The following FHIT variants were observed in gnomAD, a reference collection of about 807,000 sequenced individuals.
FHIT encodes fragile histidine triad diadenosine triphosphatase.
Under a neutral mutation model 17.9 loss-of-function variants are expected in FHIT, and 19 were observed. That is an observed-to-expected ratio of 1.06 (90% CI 0.74 to 1.56). The LOEUF (loss-of-function observed/expected upper bound fraction) is 1.56. Ranked by LOEUF, FHIT falls within the 40% of genes most tolerant of loss-of-function variation. The pLI is 0.00. For missense variants in FHIT, 248 were observed against 189.2 expected (o/e 1.31, Z -1.82); for synonymous variants, 81 against 69.7 (o/e 1.16, Z -0.81).
At chr3:60,453,438 C>T (rs73836738) in intron 5 of FHIT, among the ~76,000 whole-genome samples, 16,453 of 152,142 alleles carry the variant, frequency 0.11, 1,321 homozygotes, top group East Asian at 0.38. Context: ...TTCCAATGCT[C>T]CAATGCCTCC....
chr3:60,660,727 C>CTTTTTTTTTTTTTT (rs1220817643), intron 4 of FHIT, among the ~76,000 whole-genome samples: 13 of 16,756 alleles, frequency 7.8e-4, no homozygotes, highest in Non-Finnish European at 1.2e-3. Context: ...TTTTATTGTG[C>CTTTTTTTTTTTTTT]TCTTTTTTTT....
chr3:60,218,690 G>A (rs2107529366), intron 5 of FHIT, among the ~76,000 whole-genome samples: 2 of 152,166 alleles, frequency 1.3e-5, no homozygotes. Context: ...CATGATGACT[G>A]TGATATCAAC....
At chr3:61,213,857 C>G (rs1018930155) in intron 1 of FHIT, among the ~76,000 whole-genome samples, 1 of 152,170 alleles carries the variant, frequency 6.6e-6, no homozygotes, top group African/African-American at 2.4e-5. Context: ...GAATCTCACT[C>G]AAAACCGCTC....
At chr3:60,922,496 G>A (rs1488467041) in intron 3 of FHIT, among the ~76,000 whole-genome samples, 3 of 152,198 alleles carry the variant, frequency 2.0e-5, no homozygotes, top group Admixed American at 1.3e-4. Flanking sequence ...GATATATGAT[G>A]TCTAGGAGGT....
intron 5 of FHIT, among the ~76,000 whole-genome samples, chr3:60,330,964 C>T (rs1709938806): frequency 6.6e-6 from 1 of 152,192 alleles, no homozygotes; most frequent in Non-Finnish European, 1.5e-5. Flanking sequence ...GCAGCCAGAC[C>T]TCCATTTCTA....
intron 5 of FHIT, among the ~76,000 whole-genome samples, chr3:60,167,297 T>C (rs1037957921): frequency 2.6e-4 from 40 of 152,334 alleles, no homozygotes; most frequent in Admixed American, 2.5e-3. Flanking sequence ...TGATAACTAT[T>C]TGTTGACTAA....
At chr3:61,250,898 T>C (rs770619383) in intron 1 of FHIT, among the ~76,000 whole-genome samples, 1 of 152,212 alleles carries the variant, frequency 6.6e-6, no homozygotes, top group African/African-American at 2.4e-5. Flanking sequence ...CTTAGGGGAA[T>C]CCAGAGCTGC....
chr3:59,982,365 C>T (rs1216402253), intron 7 of FHIT, among the ~76,000 whole-genome samples: 1 of 151,412 alleles, frequency 6.6e-6, no homozygotes, highest in South Asian at 2.1e-4. Flanking sequence ...CAAGTGAAAT[C>T]ACAGAAGAAA....
intron 5 of FHIT, among the ~76,000 whole-genome samples, chr3:60,495,802 T>C (rs1002017727): frequency 6.6e-6 from 1 of 152,144 alleles, no homozygotes; most frequent in African/African-American, 2.4e-5. Flanking sequence ...CTTGTCTTTC[T>C]AGACATAAAG....
At chr3:60,806,399 A>C (rs1344430926) in intron 4 of FHIT, among the ~76,000 whole-genome samples, 2 of 152,170 alleles carry the variant, frequency 1.3e-5, no homozygotes. Context: ...TTGAAGGCGG[A>C]CCTGCAGCTT....
intron 2 of FHIT, among the ~76,000 whole-genome samples, chr3:61,160,082 G>A (rs2037643145): frequency 6.6e-6 from 1 of 152,084 alleles, no homozygotes; most frequent in Admixed American, 6.6e-5. Context: ...ACAATCACCA[G>A]GCTTTTCATT....
intron 8 of FHIT, among the ~76,000 whole-genome samples, chr3:59,910,277 T>C (rs1704806912): frequency 6.6e-6 from 1 of 152,200 alleles, no homozygotes; most frequent in Admixed American, 6.5e-5. Context: ...CATAGGTAGA[T>C]AGGAGACACA....
chr3:61,145,513 C>G (rs961593848), intron 2 of FHIT, among the ~76,000 whole-genome samples: 1 of 151,772 alleles, frequency 6.6e-6, no homozygotes, highest in Non-Finnish European at 1.5e-5. Context: ...ATTTGCAGTT[C>G]CACATGCAAT....
intron 4 of FHIT, among the ~76,000 whole-genome samples, chr3:60,774,898 T>C (rs1344987769): frequency 2.6e-5 from 4 of 152,152 alleles, no homozygotes; most frequent in South Asian, 4.1e-4. Context: ...ATTTTAAAAC[T>C]TACAAATTGC....
At chr3:60,772,057 A>T (rs1700060840) in intron 4 of FHIT, among the ~76,000 whole-genome samples, 1 of 152,172 alleles carries the variant, frequency 6.6e-6, no homozygotes, top group South Asian at 2.1e-4. Context: ...GTGTACAATG[A>T]TTGACAAAGA....
At chr3:60,883,948 T>C (rs1705090007) in intron 3 of FHIT, among the ~76,000 whole-genome samples, 1 of 152,168 alleles carries the variant, frequency 6.6e-6, no homozygotes, top group Non-Finnish European at 1.5e-5. Flanking sequence ...GGAGAAAATA[T>C]TTGCAAACTA....
intron 2 of FHIT, among the ~76,000 whole-genome samples, chr3:61,092,913 T>C (rs2035529534): frequency 6.6e-6 from 1 of 152,228 alleles, no homozygotes. Context: ...GCTTACTAGC[T>C]GAACAAATCC....
intron 4 of FHIT, among the ~76,000 whole-genome samples, chr3:60,791,232 A>C (rs1553728400): frequency 6.6e-6 from 1 of 152,106 alleles, no homozygotes; most frequent in East Asian, 1.9e-4. Context: ...GTTTCTCCAC[A>C]TTGGAGCCCA....
intron 4 of FHIT, among the ~76,000 whole-genome samples, chr3:60,671,834 C>T (rs1435367799): frequency 6.6e-6 from 1 of 151,470 alleles, no homozygotes; most frequent in Non-Finnish European, 1.5e-5. Flanking sequence ...CCTGTAATCC[C>T]AGCTACTTGG....
Sources: gnomAD v4.1 joint callset for allele counts (sites outside exome capture counted in the v4.1 genomes callset) on GRCh38, gnomAD v4.1.1 for gene constraint, MANE v1.5 for transcripts, NCBI Gene and HGNC (gene_info 2026-07-23, HGNC 2026-07-21) for gene names.